DNAH14: variants seen among roughly 807,000 people sequenced by gnomAD.
DNAH14 encodes the protein axonemal beta dynein heavy chain 14.
In DNAH14, 478 loss-of-function variants were observed where a neutral mutation model predicts 520.9. The ratio of observed to expected loss-of-function variants is 0.92; its 90% CI spans 0.85 to 0.99. The LOEUF is 0.99. Ranked by LOEUF, DNAH14 falls within the 50% of genes least tolerant of loss-of-function variation. DNAH14 has a pLI of 0.00. For missense variants in DNAH14, 4,831 were observed against 5,234.5 expected (o/e 0.92, Z 2.38); for synonymous variants, 1,581 against 1,757.2 (o/e 0.90, Z 2.51).
At chr1:225,319,741 T>C (rs1260240177) in intron 61 of DNAH14, among the ~76,000 whole-genome samples, 1 of 152,146 alleles carries the variant, frequency 6.6e-6, no homozygotes. Flanking sequence ...ACTGAGGTTG[T>C]AGCAGTTAAC....
At chr1:225,303,628 C>G (rs1014299935) in intron 57 of DNAH14, among the ~76,000 whole-genome samples, 1 of 152,184 alleles carries the variant, frequency 6.6e-6, no homozygotes, top group Non-Finnish European at 1.5e-5. Flanking sequence ...TGAAGGAAAA[C>G]AGTCTCCATT....
intron 12 of DNAH14, 67 bp downstream of exon 12, chr1:225,038,890 A>T: frequency 1.5e-6 from 2 of 1,336,668 alleles, no homozygotes; most frequent in Non-Finnish European, 2.0e-6. Flanking sequence ...TTTAAAATTT[A>T]AAATGTGATT....
chr1:225,100,798 G>A lies in DNAH14; in HGVS notation c.3781G>A (p.Ala1261Thr), dbSNP rs969179160. The change falls in exon 23 of 86, where the codon GCT becomes ACT. Residue 1261 changes from alanine (A) to threonine (T), a missense_variant. By Grantham distance (58) the Ala-to-Thr change is moderately conservative. Coordinates refer to ENST00000682510, the MANE Select transcript of DNAH14 (RefSeq NM_001367479.1). ...GTCAAAAATACAAAACAAACAGAAT[G>A]CTTTGCAGATAACCACTTCTGCAGG... ...IMSKIQNKQN[A>T]LQITTSAGVL... 3 of 1,538,440 alleles carry A rather than the reference G, an allele frequency of 2.0e-6. No individual in the cohort carries two copies. Among genetic ancestry groups the A allele is most frequent in the Non-Finnish European group, 2.6e-6 (3 of 1,142,960 alleles).
intron 23 of DNAH14, among the ~76,000 whole-genome samples, chr1:225,117,083 A>C (rs1465819332): frequency 1.3e-5 from 2 of 152,118 alleles, no homozygotes; most frequent in African/African-American, 4.8e-5. Context: ...AAGAGTAATA[A>C]ATAAATCAAG....
chr1:225,280,592 C>T (rs2093605628), intron 54 of DNAH14, among the ~76,000 whole-genome samples: 1 of 148,654 alleles, frequency 6.7e-6, no homozygotes, highest in Non-Finnish European at 1.5e-5. Context: ...AAGTGAGAGT[C>T]CATCTCAAAA....
rs1225931737 is a variant in DNAH14, at chr1:225,137,594, G to A, written c.4255-3174G>A. 5.9e-5 allele frequency among the ~76,000 whole-genome samples: 9 copies of A among 152,126 alleles called. No individual in the cohort carries two copies. The East Asian group carries it at 1.7e-3, about 29-fold the overall frequency. On this transcript the variant is annotated intron_variant, in intron 27 of 85. Coordinates refer to ENST00000682510, the MANE Select transcript of DNAH14 (RefSeq NM_001367479.1). ...TGGTCTTGAACTCCTGACCTCAGGT[G>A]ATCCACCCACCTCAGCCTCCCAGAG...
At position 225,318,669 on chromosome 1, in the gene DNAH14, T is replaced by C; in HGVS notation, c.9327T>C (p.Ala3109=). ...ALNALDKADV[A]ELRVYTRPPF... Reference sequence around the variant, plus strand: ...ATGCCCTGGATAAAGCTGATGTCGCTGAATTAAGGTAACTCTCCTAAGTTT... The same window carrying C: ...ATGCCCTGGATAAAGCTGATGTCGCCGAATTAAGGTAACTCTCCTAAGTTT... Residue 3109 remains alanine (A), a synonymous_variant, in exon 61 of 86, where the codon GCT becomes GCC. Transcript: ENST00000682510. The C allele has an allele frequency of 6.5e-7, 1 of 1,546,452 alleles. No individual in the cohort carries two copies. The highest frequency in any genetic ancestry group is 8.7e-7 in the Non-Finnish European group (1 of 1,144,986).
In DNAH14 at chr1:225,003,015, C is replaced by G. The variant is rs2063879906; in HGVS notation, c.975+88C>G. On this transcript the variant is annotated intron_variant, in intron 9 of 85. Coordinates refer to ENST00000682510, the MANE Select transcript of DNAH14 (RefSeq NM_001367479.1). ...ATTTTGAATTAAAAAATACAGATTTCTAAATTCATAAATAAACCATCTCTT... is the reference window on the plus strand; with the variant it reads ...ATTTTGAATTAAAAAATACAGATTTGTAAATTCATAAATAAACCATCTCTT... The G allele has an allele frequency of 2.5e-6, 3 of 1,183,230 alleles. No individual in the cohort carries two copies. The Admixed American group carries it at 1.0e-4, about 40-fold the overall frequency. 73.3% of individuals were successfully genotyped at this position (1,183,230 alleles called of 1,614,324 possible).
chr1:225,163,989 A>G (rs1425093347), intron 35 of DNAH14, among the ~76,000 whole-genome samples: 3 of 152,138 alleles, frequency 2.0e-5, no homozygotes, highest in African/African-American at 4.8e-5. Flanking sequence ...TGTTTAATGT[A>G]TGCTAAAAAA....
intron 37 of DNAH14, among the ~76,000 whole-genome samples, chr1:225,188,362 A>G (rs2084988918): frequency 6.6e-6 from 1 of 151,954 alleles, no homozygotes. Flanking sequence ...ACAATAAGGC[A>G]TTTTGTGGGA....
In DNAH14 at chr1:224,943,076, A is replaced by G. The variant is rs570262000; in HGVS notation, c.-33-9594A>G. ...ATTGACTGAAATAGTTTCAGAAGGA[A>G]TGGTACCAGCTCTTCCTTGTACTTC... On this transcript the variant is annotated intron_variant, in intron 1 of 85. Transcript: ENST00000682510. 6.6e-4 allele frequency among the ~76,000 whole-genome samples: 101 copies of G among 152,300 alleles called. 4 individuals carry two copies. In the South Asian group the frequency reaches 0.02, roughly 30 times the overall value.
intron 27 of DNAH14, among the ~76,000 whole-genome samples, chr1:225,125,587 G>C (rs1356148462): frequency 6.6e-6 from 1 of 152,182 alleles, no homozygotes; most frequent in Non-Finnish European, 1.5e-5. Flanking sequence ...ATTGAAAAGA[G>C]TTAGAGCCTT....
At chr1:225,204,513 A>G (rs1309262833) in intron 39 of DNAH14, among the ~76,000 whole-genome samples, 1 of 152,192 alleles carries the variant, frequency 6.6e-6, no homozygotes, top group Admixed American at 6.5e-5. Flanking sequence ...CCTTCAGTTT[A>G]TAAAAGAACC....
intron 13 of DNAH14, 38 bp downstream of exon 13, chr1:225,043,152 A>G (rs1037209152): frequency 1.3e-6 from 2 of 1,516,554 alleles, no homozygotes; most frequent in Non-Finnish European, 1.8e-6. Context: ...AGGGGTTGCC[A>G]GGTGTGGTGG....
intron 55 of DNAH14, among the ~76,000 whole-genome samples, chr1:225,297,959 T>G (rs1333921654): frequency 1.3e-5 from 2 of 151,610 alleles, no homozygotes; most frequent in African/African-American, 4.9e-5. Flanking sequence ...ACGGGGGATG[T>G]ACCACAGGGC....
intron 72 of DNAH14, among the ~76,000 whole-genome samples, chr1:225,352,613 G>T (rs1455285942): frequency 1.3e-5 from 2 of 151,920 alleles, no homozygotes; most frequent in East Asian, 3.9e-4. Flanking sequence ...ATTTTCCATA[G>T]GAGTATTGAT....
chr1:224,993,716 TCTG>T (rs2063207723), intron 8 of DNAH14, among the ~76,000 whole-genome samples: 1 of 151,964 alleles, frequency 6.6e-6, no homozygotes. Flanking sequence ...TTTCTTTCCT[TCTG>T]CTAATTTTGG....
intron 21 of DNAH14, among the ~76,000 whole-genome samples, chr1:225,092,787 G>GA (rs200075340): frequency 5.2e-4 from 78 of 150,334 alleles, no homozygotes; most frequent in African/African-American, 1.7e-3. Context: ...ACAATCATAA[G>GA]AAAAAAAAAT....
intron 84 of DNAH14, chr1:225,395,819 C>T (rs973790330): frequency 6.6e-6 from 1 of 152,210 alleles, no homozygotes; most frequent in Non-Finnish European, 1.5e-5. Flanking sequence ...GTGGTGGACA[C>T]TCATGCTGTT....
Sources: gnomAD v4.1 joint callset for allele counts (sites outside exome capture counted in the v4.1 genomes callset) on GRCh38, gnomAD v4.1.1 for gene constraint, MANE v1.5 for transcripts, NCBI Gene and HGNC (gene_info 2026-07-23, HGNC 2026-07-21) for gene names.